The following ACYP2 variants were observed in gnomAD, a reference collection of about 807,000 sequenced individuals.
The protein encoded by ACYP2 is acylphosphatase-2.
ACYP2 carries 12 observed loss-of-function variants against 11.2 expected under a neutral mutation model. That is an observed-to-expected ratio of 1.08 (90% CI 0.69 to 1.74). The LOEUF (loss-of-function observed/expected upper bound fraction) is 1.74. Ranked by LOEUF, ACYP2 falls within the 40% of genes most tolerant of loss-of-function variation. ACYP2 has a pLI of 0.00. For synonymous variants in ACYP2, 43 were observed against 32.2 expected (o/e 1.33, Z -1.13); for missense variants, 134 against 101.9 (o/e 1.31, Z -1.35).
intron 6 of ACYP2, among the ~76,000 whole-genome samples, chr2:54,208,009 C>T (rs538413804): frequency 6.6e-6 from 1 of 152,246 alleles, no homozygotes; most frequent in South Asian, 2.1e-4. Context: ...TGTTCCAGGA[C>T]CTCCCACAGA....
intron 2 of ACYP2, among the ~76,000 whole-genome samples, chr2:54,008,276 C>G (rs1035912011): frequency 6.6e-6 from 1 of 152,206 alleles, no homozygotes; most frequent in African/African-American, 2.4e-5. Context: ...TATAGCTCCT[C>G]TAAGTTCCGA....
chr2:54,123,205 G>C, intron 4 of ACYP2: 1 of 396,318 alleles, frequency 2.5e-6, no homozygotes, highest in Non-Finnish European at 4.4e-6. Context: ...CCTCCTCACA[G>C]AAGGAATTTC....
intron 6 of ACYP2, among the ~76,000 whole-genome samples, chr2:54,278,061 T>G (rs904547657): frequency 6.6e-6 from 1 of 152,174 alleles, no homozygotes; most frequent in African/African-American, 2.4e-5. Flanking sequence ...CACTGCAAGC[T>G]CTGCCTCCCA....
chr2:54,065,172 A>C (rs111976124), intron 4 of ACYP2, among the ~76,000 whole-genome samples: 38 of 152,354 alleles, frequency 2.5e-4, no homozygotes, highest in African/African-American at 7.0e-4. Flanking sequence ...TAGGAGTTGC[A>C]GTGGTAACAC....
intron 6 of ACYP2, among the ~76,000 whole-genome samples, chr2:54,292,666 G>T (rs1459295369): frequency 3.2e-5 from 2 of 63,096 alleles, no homozygotes; most frequent in Admixed American, 4.9e-4. Flanking sequence ...GTGTATATAT[G>T]TATACACACA....
intron 6 of ACYP2, among the ~76,000 whole-genome samples, chr2:54,281,690 A>C (rs1688856268): frequency 6.6e-6 from 1 of 152,242 alleles, no homozygotes. Context: ...ACTCTTGTGA[A>C]TCAGAGTGTT....
At chr2:54,147,362 T>C (rs927370140) in intron 6 of ACYP2, among the ~76,000 whole-genome samples, 1 of 152,180 alleles carries the variant, frequency 6.6e-6, no homozygotes, top group African/African-American at 2.4e-5. Context: ...AATCTCCAAA[T>C]GTCAGATCTA....
chr2:54,000,648 A>G (rs560001716), intron 2 of ACYP2, among the ~76,000 whole-genome samples: 2 of 152,370 alleles, frequency 1.3e-5, no homozygotes, highest in African/African-American at 4.8e-5. Flanking sequence ...CATTCATTTA[A>G]GGAACTAGAA....
At chr2:54,247,613 A>C (rs1213563203) in intron 6 of ACYP2, among the ~76,000 whole-genome samples, 1 of 152,228 alleles carries the variant, frequency 6.6e-6, no homozygotes, top group African/African-American at 2.4e-5. Flanking sequence ...AAACAATTAC[A>C]TATTAGTGCT....
intron 6 of ACYP2, among the ~76,000 whole-genome samples, chr2:54,166,163 C>T (rs1057323253): frequency 6.6e-6 from 1 of 152,144 alleles, no homozygotes; most frequent in Non-Finnish European, 1.5e-5. Context: ...TGTGTGCGCT[C>T]CACTTGACCA....
intron 2 of ACYP2, among the ~76,000 whole-genome samples, chr2:53,996,095 C>A (rs1672559387): frequency 6.6e-6 from 1 of 151,888 alleles, no homozygotes; most frequent in Non-Finnish European, 1.5e-5. Context: ...GATTGTGCCA[C>A]TGCACTCCAG....
chr2:54,059,174 C>G (rs1470837179), intron 4 of ACYP2, among the ~76,000 whole-genome samples: 1 of 152,036 alleles, frequency 6.6e-6, no homozygotes, highest in African/African-American at 2.4e-5. Flanking sequence ...TAAGAATTGC[C>G]TAGCTTTCCA....
At chr2:54,147,645 C>T (rs185318144) in intron 6 of ACYP2, among the ~76,000 whole-genome samples, 125 of 152,228 alleles carry the variant, frequency 8.2e-4, no homozygotes, top group African/African-American at 2.7e-3. Flanking sequence ...TTACCTCAGC[C>T]TCCCGAGTAG....
intron 2 of ACYP2, among the ~76,000 whole-genome samples, chr2:53,986,644 A>G (rs796449183): frequency 1.1e-5 from 1 of 94,208 alleles, no homozygotes; most frequent in African/African-American, 4.3e-5. Flanking sequence ...TTTTTTTTTT[A>G]GATGAAGTTT....
chr2:54,042,788 GA>G (rs1436482063), intron 2 of ACYP2, among the ~76,000 whole-genome samples: 1 of 152,200 alleles, frequency 6.6e-6, no homozygotes, highest in African/African-American at 2.4e-5. Context: ...CTTGGCCAGG[GA>G]AAACATATTT....
At chr2:54,195,858 C>T (rs58107053) in intron 6 of ACYP2, among the ~76,000 whole-genome samples, 30,946 of 132,928 alleles carry the variant, frequency 0.23, 3,666 homozygotes, top group East Asian at 0.4. Flanking sequence ...AGTGCAATGG[C>T]GCGATCTTGG....
intron 6 of ACYP2, among the ~76,000 whole-genome samples, chr2:54,162,692 A>G (rs1159882467): frequency 6.6e-6 from 1 of 152,168 alleles, no homozygotes; most frequent in African/African-American, 2.4e-5. Flanking sequence ...CAGGCCAGGC[A>G]TGGTGGCTCA....
intron 2 of ACYP2, among the ~76,000 whole-genome samples, chr2:54,034,419 C>T (rs1041415854): frequency 6.6e-6 from 1 of 152,136 alleles, no homozygotes; most frequent in East Asian, 1.9e-4. Context: ...TGTTTAGATA[C>T]ATCTAGATAC....
intron 2 of ACYP2, among the ~76,000 whole-genome samples, chr2:54,000,649 G>A (rs1672755947): frequency 6.6e-6 from 1 of 152,180 alleles, no homozygotes; most frequent in Admixed American, 6.5e-5. Flanking sequence ...ATTCATTTAA[G>A]GAACTAGAAG....
Sources: allele counts gnomAD v4.1 joint callset (sites outside exome capture counted in the v4.1 genomes callset), GRCh38; gene constraint gnomAD v4.1.1; transcripts MANE v1.5; gene names NCBI Gene and HGNC (gene_info 2026-07-23, HGNC 2026-07-21).